The following ASTN2 variants were observed in gnomAD, a reference collection of about 807,000 sequenced individuals.
The protein encoded by ASTN2 is astrotactin 2.
ASTN2 carries 54 observed loss-of-function variants against 139.8 expected under a neutral mutation model. The ratio of observed to expected loss-of-function variants is 0.39; its 90% CI spans 0.31 to 0.48. The LOEUF (loss-of-function observed/expected upper bound fraction) is 0.48, where lower values mean the gene tolerates loss of function less well. ASTN2 is among the 20% of genes least tolerant of loss of function. The probability of loss-of-function intolerance (pLI) is 0.95; values close to 1 mark genes in which losing one functional copy is unlikely to be tolerated. For synonymous variants in ASTN2, 756 were observed against 719.5 expected, an observed-to-expected ratio of 1.05 and a Z score of -0.81; for missense variants, 1,565 against 1,725.1, an observed-to-expected ratio of 0.91 and a Z score of 1.64.
chr9:117,008,338 G>A, intron 6 of ASTN2, 79 bp from the exon 7 acceptor site: 1 of 1,332,142 alleles, frequency 7.5e-7, no homozygotes, highest in East Asian at 2.6e-5. Context: ...AGAAAGGTGT[G>A]TACAAGCCAC....
At chr9:116,837,026 A>G (rs1418216437) in intron 11 of ASTN2, among the ~76,000 whole-genome samples, 3 of 152,158 alleles carry the variant, frequency 2.0e-5, no homozygotes, top group Non-Finnish European at 4.4e-5. Context: ...CCTGGAGTTT[A>G]TTCTAAGTGC....
chr9:117,221,748 C>T (rs1832526554), intron 2 of ASTN2, among the ~76,000 whole-genome samples: 1 of 152,020 alleles, frequency 6.6e-6, no homozygotes, highest in Non-Finnish European at 1.5e-5. Context: ...GGGAAGGGGG[C>T]CCGGGATCCA....
intron 20 of ASTN2, among the ~76,000 whole-genome samples, chr9:116,448,211 A>G (rs1171083718): frequency 7.2e-6 from 1 of 138,402 alleles, no homozygotes; most frequent in Non-Finnish European, 1.6e-5. Flanking sequence ...CCAGTCTTGT[A>G]AAATGCTCCT....
chr9:117,008,983 G>A (rs985206639), intron 6 of ASTN2, among the ~76,000 whole-genome samples: 1 of 152,134 alleles, frequency 6.6e-6, no homozygotes, highest in African/African-American at 2.4e-5. Context: ...AAGGAAAAGA[G>A]CAGCACTCAC....
At chr9:117,268,843 C>G (rs1201330213) in intron 2 of ASTN2, among the ~76,000 whole-genome samples, 1 of 152,182 alleles carries the variant, frequency 6.6e-6, no homozygotes, top group East Asian at 1.9e-4. Context: ...TGCTAATAAA[C>G]TCTGTTGACC....
chr9:116,718,972 G>GTATATATATATATATATATA (rs373217069), intron 16 of ASTN2, among the ~76,000 whole-genome samples: 2,901 of 99,658 alleles, frequency 0.029, 365 homozygotes, highest in Middle Eastern at 0.045. Context: ...ACCTGTATCT[G>GTATATATATATATATATATA]TACATATATA....
chr9:117,186,748 C>T (rs1017479221), intron 3 of ASTN2, among the ~76,000 whole-genome samples: 17 of 152,146 alleles, frequency 1.1e-4, no homozygotes, highest in African/African-American at 4.1e-4. Context: ...AGGCAATGTT[C>T]TAAACAAGAA....
At chr9:117,143,683 G>T (rs763267286) in intron 3 of ASTN2, among the ~76,000 whole-genome samples, 1 of 152,020 alleles carries the variant, frequency 6.6e-6, no homozygotes, top group Non-Finnish European at 1.5e-5. Flanking sequence ...CACAGTTATG[G>T]AGGCTGAAAG....
intron 16 of ASTN2, among the ~76,000 whole-genome samples, chr9:116,693,325 A>G (rs1199555116): frequency 1.3e-5 from 2 of 152,210 alleles, no homozygotes; most frequent in Admixed American, 6.5e-5. Flanking sequence ...TCTCAGTCCT[A>G]TATAACTTTA....
At chr9:117,173,219 A>C (rs552910757) in intron 3 of ASTN2, among the ~76,000 whole-genome samples, 1 of 152,316 alleles carries the variant, frequency 6.6e-6, no homozygotes, top group African/African-American at 2.4e-5. Context: ...TTCACTTAGC[A>C]ATCTGGCCCC....
At chr9:117,033,226 G>A (rs1304963276) in intron 6 of ASTN2, among the ~76,000 whole-genome samples, 4 of 152,014 alleles carry the variant, frequency 2.6e-5, no homozygotes, top group Non-Finnish European at 5.9e-5. Context: ...CAAACCAAAC[G>A]CTTCTCTTCC....
At chr9:117,018,095 C>T (rs976846146) in intron 6 of ASTN2, among the ~76,000 whole-genome samples, 6 of 152,036 alleles carry the variant, frequency 3.9e-5, no homozygotes, top group African/African-American at 1.4e-4. Context: ...ATGAGGGACC[C>T]TACTTGAAGA....
intron 19 of ASTN2, among the ~76,000 whole-genome samples, chr9:116,524,496 A>C (rs1407883244): frequency 6.6e-6 from 1 of 152,104 alleles, no homozygotes; most frequent in African/African-American, 2.4e-5. Flanking sequence ...GTGTAATGGA[A>C]AGAGCTCTAT....
At chr9:116,563,667 T>C (rs1853040309) in intron 19 of ASTN2, among the ~76,000 whole-genome samples, 1 of 152,196 alleles carries the variant, frequency 6.6e-6, no homozygotes, top group African/African-American at 2.4e-5. Context: ...ATAGTTGTCT[T>C]TTTTTCTGCT....
chr9:116,999,561 T>C (rs1369268944), intron 7 of ASTN2, among the ~76,000 whole-genome samples: 2 of 72,172 alleles, frequency 2.8e-5, no homozygotes, highest in East Asian at 4.7e-4. Flanking sequence ...TTTTTTTTTT[T>C]TTTTTTTTTT....
At chr9:117,139,476 C>G (rs188048962) in intron 4 of ASTN2, among the ~76,000 whole-genome samples, 1 of 152,308 alleles carries the variant, frequency 6.6e-6, no homozygotes, top group East Asian at 1.9e-4. Context: ...ATGGTTTAAA[C>G]CTGGGGTTTC....
intron 6 of ASTN2, among the ~76,000 whole-genome samples, chr9:117,012,183 G>C (rs1209142455): frequency 6.6e-6 from 1 of 152,128 alleles, no homozygotes; most frequent in Non-Finnish European, 1.5e-5. Context: ...ATGCCTCCAC[G>C]TTGATCTCAC....
intron 19 of ASTN2, among the ~76,000 whole-genome samples, chr9:116,517,313 G>A (rs1850692678): frequency 6.6e-6 from 1 of 152,218 alleles, no homozygotes. Flanking sequence ...TGGCTGCCAA[G>A]ACCTGAAGAC....
chr9:116,663,655 G>A (rs1306818549), intron 16 of ASTN2, among the ~76,000 whole-genome samples: 3 of 152,070 alleles, frequency 2.0e-5, no homozygotes, highest in African/African-American at 7.2e-5. Flanking sequence ...AAATATAAAA[G>A]GGCTGAAACT....
Sources: allele counts gnomAD v4.1 joint callset (sites outside exome capture counted in the v4.1 genomes callset), GRCh38; gene constraint gnomAD v4.1.1; transcripts MANE v1.5; gene names NCBI Gene and HGNC (gene_info 2026-07-23, HGNC 2026-07-21).